The following CDH12 variants were observed in gnomAD, a reference collection of about 807,000 sequenced individuals.
CDH12 encodes the protein cadherin-12.
In CDH12, 41 loss-of-function variants were observed where a neutral mutation model predicts 74.1. The ratio of observed to expected loss-of-function variants is 0.55; its 90% CI spans 0.43 to 0.72. The LOEUF is 0.72. Among genes scored for constraint, CDH12 ranks in the 30% least tolerant of loss-of-function variants. The probability of loss-of-function intolerance (pLI) is 0.00; values close to 1 mark genes in which losing one functional copy is unlikely to be tolerated. For synonymous variants in CDH12, 399 were observed against 355.0 expected (o/e 1.12, Z -1.39); for missense variants, 945 against 977.2 (o/e 0.97, Z 0.44).
intron 4 of CDH12, among the ~76,000 whole-genome samples, chr5:22,159,955 A>T (rs1234801357): frequency 6.6e-6 from 1 of 152,138 alleles, no homozygotes; most frequent in Non-Finnish European, 1.5e-5. Flanking sequence ...CTGTGTGTGT[A>T]TGATTCTTTA....
chr5:22,149,106 G>T, intron 4 of CDH12, among the ~76,000 whole-genome samples: 1 of 152,054 alleles, frequency 6.6e-6, no homozygotes, highest in East Asian at 1.9e-4. Flanking sequence ...TGACAAGCAA[G>T]ACTCCGTCTC....
At chr5:22,264,921 G>T (rs956495070) in intron 3 of CDH12, among the ~76,000 whole-genome samples, 1 of 152,168 alleles carries the variant, frequency 6.6e-6, no homozygotes, top group Non-Finnish European at 1.5e-5. Context: ...TGTTTATGGC[G>T]AGACATTCTT....
chr5:22,707,158 C>T (rs1240840046), intron 1 of CDH12, among the ~76,000 whole-genome samples: 4 of 152,282 alleles, frequency 2.6e-5, no homozygotes, highest in Non-Finnish European at 4.4e-5. Flanking sequence ...CAAGAAGACA[C>T]AACATTAAGC....
intron 3 of CDH12, among the ~76,000 whole-genome samples, chr5:22,217,216 T>C (rs1751837833): frequency 1.3e-5 from 2 of 151,832 alleles, no homozygotes; most frequent in South Asian, 4.1e-4. Flanking sequence ...AGGAATATTC[T>C]TTAAATGTTT....
chr5:22,083,146 T>C (rs1742850036), intron 4 of CDH12, among the ~76,000 whole-genome samples: 1 of 152,216 alleles, frequency 6.6e-6, no homozygotes, highest in African/African-American at 2.4e-5. Flanking sequence ...AAAACTTGCA[T>C]ATCACACTTA....
intron 4 of CDH12, among the ~76,000 whole-genome samples, chr5:22,182,038 T>TC (rs1221813294): frequency 6.6e-6 from 1 of 152,064 alleles, no homozygotes; most frequent in Non-Finnish European, 1.5e-5. Flanking sequence ...AGTATATCAC[T>TC]CCCCCACTCC....
At chr5:22,202,405 A>G (rs1750977379) in intron 4 of CDH12, among the ~76,000 whole-genome samples, 1 of 152,192 alleles carries the variant, frequency 6.6e-6, no homozygotes, top group African/African-American at 2.4e-5. Flanking sequence ...TGGTAAGAGA[A>G]AACTGAAAAA....
intron 1 of CDH12, among the ~76,000 whole-genome samples, chr5:22,747,785 C>T (rs1745371198): frequency 1.3e-5 from 2 of 152,034 alleles, no homozygotes; most frequent in Admixed American, 1.3e-4. Context: ...TTGGCCCTTG[C>T]AGCAAAATAG....
chr5:22,321,023 AG>A (rs1738853534), intron 3 of CDH12, among the ~76,000 whole-genome samples: 1 of 152,228 alleles, frequency 6.6e-6, no homozygotes, highest in Non-Finnish European at 1.5e-5. Context: ...AACAGTGAAT[AG>A]GCATTTTTTG....
At chr5:22,661,699 T>C (rs150891195) in intron 1 of CDH12, among the ~76,000 whole-genome samples, 5 of 152,252 alleles carry the variant, frequency 3.3e-5, no homozygotes, top group African/African-American at 9.6e-5. Flanking sequence ...AGAAATCATG[T>C]AACACCATTC....
At chr5:22,718,272 C>T (rs1743687105) in intron 1 of CDH12, among the ~76,000 whole-genome samples, 1 of 152,158 alleles carries the variant, frequency 6.6e-6, no homozygotes. Flanking sequence ...GTTGAAAAAT[C>T]ATACTACTCT....
At chr5:22,562,278 C>G (rs928491793) in intron 1 of CDH12, among the ~76,000 whole-genome samples, 26 of 152,176 alleles carry the variant, frequency 1.7e-4, no homozygotes, top group African/African-American at 5.5e-4. Flanking sequence ...GATCCCGCCA[C>G]TGCACTCCAG....
At chr5:22,319,232 A>G (rs1377960132) in intron 3 of CDH12, among the ~76,000 whole-genome samples, 2 of 152,236 alleles carry the variant, frequency 1.3e-5, no homozygotes, top group Non-Finnish European at 2.9e-5. Context: ...GAATTAGAAC[A>G]GAAATAGAAT....
intron 4 of CDH12, among the ~76,000 whole-genome samples, chr5:22,110,255 C>A (rs890907715): frequency 1.3e-5 from 2 of 152,108 alleles, no homozygotes; most frequent in African/African-American, 4.8e-5. Context: ...AGCCAATATG[C>A]CAGAGCACCC....
Position 22,839,300 on chromosome 5 carries a change from G to T in CDH12, c.-523+13758C>A, listed in dbSNP as rs182387613. ...TCATTTACATGTTTCTTATCTCTGTGCATGTGTATGCATGTGTGTCCCTAT... is the reference window on the plus strand; with the variant it reads ...TCATTTACATGTTTCTTATCTCTGTTCATGTGTATGCATGTGTGTCCCTAT... On this transcript the variant is annotated intron_variant, in intron 1 of 14. Transcript: ENST00000382254. 1.2e-4 allele frequency among the ~76,000 whole-genome samples: 18 copies of T among 150,790 alleles called. No individual in the cohort carries two copies. The East Asian group carries it at 3.5e-3, about 29-fold the overall frequency.
Position 22,351,335 on chromosome 5 carries a change from G to C in CDH12, c.-333+53922C>G, listed in dbSNP as rs184886858. On this transcript the variant is annotated intron_variant, in intron 3 of 14. Coordinates refer to ENST00000382254, the MANE Select transcript of CDH12 (RefSeq NM_004061.5). The stretch of plus-strand genomic sequence containing the variant: ...GTCATGCTTTGGGCAGTGATGCATG[G>C]GACAAGTGAGCCACAGGTGATGGCC... Among the ~76,000 whole-genome samples, 28 of 152,260 alleles carry C rather than the reference G, an allele frequency of 1.8e-4. No individual in the cohort carries two copies. The East Asian group carries it at 2.3e-3, about 13-fold the overall frequency.
At chr5:21,850,149 G>C (rs1254213976) in intron 7 of CDH12, among the ~76,000 whole-genome samples, 2 of 151,576 alleles carry the variant, frequency 1.3e-5, no homozygotes, top group African/African-American at 4.8e-5. Flanking sequence ...GTCAGGGTAT[G>C]GGAGAGAAAA....
chr5:21,755,398 A>C lies in CDH12; in HGVS notation c.1885+193T>G, dbSNP rs182609348. Among the ~76,000 whole-genome samples the C allele has an allele frequency of 5.2e-3, 786 of 152,298 alleles. 4 individuals carry two copies. The highest frequency in any genetic ancestry group is 7.7e-3 in the Non-Finnish European group (526 of 68,014). ...TATCCCCAATAATATATATCCAAGA[A>C]GTATGAAATAGAAAAATAGCATTAA... On this transcript the variant is annotated intron_variant, in intron 14 of 14. Coordinates refer to ENST00000382254, the MANE Select transcript of CDH12 (RefSeq NM_004061.5).
intron 1 of CDH12, among the ~76,000 whole-genome samples, chr5:22,753,383 T>G (rs1434908147): frequency 2.0e-5 from 3 of 149,020 alleles, no homozygotes; most frequent in Non-Finnish European, 4.5e-5. Context: ...CTTGCAGTGA[T>G]CTGAGATCGC....
Sources: gnomAD v4.1 joint callset for allele counts (sites outside exome capture counted in the v4.1 genomes callset) on GRCh38, gnomAD v4.1.1 for gene constraint, MANE v1.5 for transcripts, NCBI Gene and HGNC (gene_info 2026-07-23, HGNC 2026-07-21) for gene names.